Variants in ATXN7 observed in about 807,000 individuals in gnomAD.
ATXN7 encodes the protein ataxin 7, also known as ataxin-7.
A neutral mutation model predicts 70.5 loss-of-function variants in ATXN7; 12 were observed. The ratio of observed to expected loss-of-function variants is 0.17; its 90% CI spans 0.11 to 0.28. The LOEUF (loss-of-function observed/expected upper bound fraction) is 0.28. ATXN7 is among the 10% of genes least tolerant of loss of function. The pLI, the probability that ATXN7 is intolerant of heterozygous loss-of-function variation, is 1.00. For missense variants in ATXN7, 1,256 were observed against 1,131.7 expected, an observed-to-expected ratio of 1.11 and a Z score of -1.58; for synonymous variants, 498 against 448.7, an observed-to-expected ratio of 1.11 and a Z score of -1.39.
In ATXN7 at chr3:63,924,635, T is replaced by A. The variant is rs989111531; in HGVS notation, c.394+11410T>A. ...AGTGATGGTCTCTGTTATATGCTGC[T>A]GTGAAGTAAAGTCAGGCCAGAGAAT... On this transcript the variant is annotated intron_variant, in intron 4 of 12. Transcript: ENST00000674280. Among the ~76,000 whole-genome samples, 5 of 152,214 alleles carry A rather than the reference T, an allele frequency of 3.3e-5. No homozygotes were observed. The East Asian group carries it at 9.7e-4, about 29-fold the overall frequency.
intron 4 of ATXN7, among the ~76,000 whole-genome samples, chr3:63,925,168 T>C (rs1704667477): frequency 6.6e-6 from 1 of 152,212 alleles, no homozygotes; most frequent in Non-Finnish European, 1.5e-5. Flanking sequence ...TCGTCATTTC[T>C]GTGAAGGAAG....
At chr3:63,945,317 C>G (rs1175042836) in intron 4 of ATXN7, among the ~76,000 whole-genome samples, 1 of 152,206 alleles carries the variant, frequency 6.6e-6, no homozygotes, top group Non-Finnish European at 1.5e-5. Context: ...AGTCTCACTG[C>G]AGAACTGCTT....
At chr3:63,960,306 G>A (rs1222427782) in intron 5 of ATXN7, among the ~76,000 whole-genome samples, 1 of 152,178 alleles carries the variant, frequency 6.6e-6, no homozygotes, top group East Asian at 1.9e-4. Flanking sequence ...TGAAACTGGA[G>A]AAAGTGGGTC....
chr3:63,954,711 G>GTT (rs375112554), intron 5 of ATXN7, among the ~76,000 whole-genome samples: 48 of 112,438 alleles, frequency 4.3e-4, no homozygotes, highest in African/African-American at 6.2e-4. Context: ...TTTTTTTTTT[G>GTT]TTTTTTTTTT....
chr3:63,894,608 T>G (rs1199191240), intron 1 of ATXN7, among the ~76,000 whole-genome samples: 1 of 152,152 alleles, frequency 6.6e-6, no homozygotes, highest in Non-Finnish European at 1.5e-5. Context: ...CACTGCAGCC[T>G]CAGCTTCCCA....
chr3:63,878,429 A>T (rs1475271094), intron 1 of ATXN7: 1 of 152,200 alleles, frequency 6.6e-6, no homozygotes, highest in East Asian at 1.9e-4. Context: ...TGCACTGACC[A>T]GTTTAAAAGG....
At chr3:63,879,968 C>T (rs1405022088) in intron 1 of ATXN7, among the ~76,000 whole-genome samples, 1 of 151,860 alleles carries the variant, frequency 6.6e-6, no homozygotes, top group Non-Finnish European at 1.5e-5. Flanking sequence ...TGCCTGTAAT[C>T]CCTGCTACTC....
At chr3:63,916,159 C>G (rs888625100) in intron 4 of ATXN7, among the ~76,000 whole-genome samples, 3 of 152,152 alleles carry the variant, frequency 2.0e-5, no homozygotes, top group Non-Finnish European at 4.4e-5. Flanking sequence ...ATAATACTAC[C>G]TACTTCCCAA....
chr3:63,887,243 T>C (rs145469163), intron 1 of ATXN7, among the ~76,000 whole-genome samples: 1 of 152,308 alleles, frequency 6.6e-6, no homozygotes, highest in Admixed American at 6.5e-5. Context: ...TGATAAAAGA[T>C]CTCTGTCTGA....
At chr3:63,964,906 A>G (rs2106702651) in intron 5 of ATXN7, among the ~76,000 whole-genome samples, 1 of 152,326 alleles carries the variant, frequency 6.6e-6, no homozygotes, top group South Asian at 2.1e-4. Context: ...AAGGCCAATT[A>G]TAACTCACCC....
intron 8 of ATXN7, among the ~76,000 whole-genome samples, chr3:63,985,062 T>G (rs1013610917): frequency 2.0e-5 from 3 of 152,214 alleles, no homozygotes; most frequent in Non-Finnish European, 2.9e-5. Context: ...TTCTACATCT[T>G]GTCTATTATA....
chr3:63,901,275 C>A (rs1703631704), intron 2 of ATXN7: 6 of 152,138 alleles, frequency 3.9e-5, no homozygotes, highest in African/African-American at 1.2e-4. Flanking sequence ...GTTGTGAGAA[C>A]CTTTATCTAG....
At chr3:63,942,206 T>C (rs1276865285) in intron 4 of ATXN7, among the ~76,000 whole-genome samples, 1 of 152,190 alleles carries the variant, frequency 6.6e-6, no homozygotes, top group African/African-American at 2.4e-5. Flanking sequence ...AGAAGGGCAC[T>C]GAGTAGTGGA....
At chr3:63,938,276 G>T (rs1323501055) in intron 4 of ATXN7, among the ~76,000 whole-genome samples, 1 of 152,150 alleles carries the variant, frequency 6.6e-6, no homozygotes, top group Admixed American at 6.5e-5. Context: ...TGGAAGTATT[G>T]CCATTAGGTC....
chr3:63,989,055 T>C (rs1454010903), intron 9 of ATXN7, among the ~76,000 whole-genome samples: 1 of 152,222 alleles, frequency 6.6e-6, no homozygotes, highest in Admixed American at 6.5e-5. Context: ...CTGCTATTGC[T>C]TACCATTTCA....
chr3:63,913,275 A>G (rs748558639), intron 4 of ATXN7, 50 bp downstream of exon 4: 16 of 1,558,522 alleles, frequency 1.0e-5, no homozygotes, highest in Non-Finnish European at 1.2e-5. Context: ...GGGAAGTTTC[A>G]TTGACAGTTC....
At chr3:63,982,623 A>AGTGT (rs71099784) in intron 7 of ATXN7, among the ~76,000 whole-genome samples, 178 bp downstream of exon 7, 61,762 of 143,266 alleles carry the variant, frequency 0.43, 13,917 homozygotes, top group Admixed American at 0.55. Flanking sequence ...AAAGAGCATG[A>AGTGT]GTGTGTGTGT....
At position 63,979,917 on chromosome 3, in the gene ATXN7, A is replaced by G. The variant is rs778141736; in HGVS notation, c.502A>G (p.Arg168Gly). The part of the protein sequence containing the change: ...KPQAFQSHYE[R>G]RHSSSSKPPL... ...TTTTTCTTTGCTTTCGTTTTCAGAAAGAAGACATAGCTCATCCAGCAAGCC... is the reference window on the plus strand; with the variant it reads ...TTTTTCTTTGCTTTCGTTTTCAGAAGGAAGACATAGCTCATCCAGCAAGCC... The change falls in exon 6 of 13, where the codon AGA becomes GGA. Residue 168 changes from arginine to glycine, a missense_variant and splice_region_variant. Physicochemically the swap from Arg to Gly is moderately radical, Grantham distance 125. Coordinates refer to ENST00000674280, the MANE Select transcript of ATXN7 (RefSeq NM_001377405.1). 1 of 1,612,790 alleles carries G rather than the reference A, an allele frequency of 6.2e-7. No individual in the cohort carries two copies. Among genetic ancestry groups the G allele is most frequent in the South Asian group, 1.1e-5 (1 of 90,982 alleles).
chr3:63,919,690 G>A (rs992206205), intron 4 of ATXN7, among the ~76,000 whole-genome samples: 4 of 150,834 alleles, frequency 2.7e-5, no homozygotes, highest in African/African-American at 9.8e-5. Context: ...ATGTTGGTGT[G>A]CTGCACCCAT....
Sources: gnomAD v4.1 joint callset for allele counts (sites outside exome capture counted in the v4.1 genomes callset) on GRCh38, gnomAD v4.1.1 for gene constraint, MANE v1.5 for transcripts, NCBI Gene and HGNC (gene_info 2026-07-23, HGNC 2026-07-21) for gene names.